The following SEZ6L2 variants were observed in gnomAD, a reference collection of about 807,000 sequenced individuals.
SEZ6L2 encodes seizure related 6 homolog like 2, also known as seizure 6-like protein 2.
In SEZ6L2, 44 loss-of-function variants were observed where a neutral mutation model predicts 97.0. That is an observed-to-expected ratio of 0.45 (90% CI 0.36 to 0.58). The LOEUF is 0.58. Among genes scored for constraint, SEZ6L2 ranks in the 20% least tolerant of loss-of-function variants. The probability of loss-of-function intolerance (pLI) is 0.00; values close to 1 mark genes in which losing one functional copy is unlikely to be tolerated. For missense variants in SEZ6L2, 1,086 were observed against 1,233.3 expected, an observed-to-expected ratio of 0.88 and a Z score of 1.79; for synonymous variants, 543 against 546.1, an observed-to-expected ratio of 0.99 and a Z score of 0.08.
At chr16:29,877,518 C>T in intron 10 of SEZ6L2, 51 bp from the exon 11 acceptor site, 1 of 1,494,578 alleles carries the variant, frequency 6.7e-7, no homozygotes, top group Non-Finnish European at 9.1e-7. Flanking sequence ...TGGCCCCTCC[C>T]ATCCAGCTCT....
In SEZ6L2 at chr16:29,875,509, A is replaced by T. The variant is rs192053170; in HGVS notation, c.2104+1247T>A. On this transcript the variant is annotated intron_variant, in intron 12 of 17. Coordinates refer to ENST00000617533, the MANE Select transcript of SEZ6L2 (RefSeq NM_001243332.2). ...AGCTTTGTCCAGCCCAAATCTGGCTACCTGAAGCTTCTCCCCTTGGTCCCA... is the reference window on the plus strand; with the variant it reads ...AGCTTTGTCCAGCCCAAATCTGGCTTCCTGAAGCTTCTCCCCTTGGTCCCA... Among the ~76,000 whole-genome samples the T allele has an allele frequency of 3.4e-3, 511 of 152,166 alleles. 3 individuals carry two copies. The highest frequency in any genetic ancestry group is 0.012 in the African/African-American group (483 of 41,494).
chr16:29,874,920 G>A (rs1362679086), intron 12 of SEZ6L2, among the ~76,000 whole-genome samples: 2 of 151,916 alleles, frequency 1.3e-5, no homozygotes, highest in Non-Finnish European at 2.9e-5. Context: ...TGTCACTCAA[G>A]CTGGAATGCA....
At chr16:29,890,827 C>A (rs1427176115) in intron 5 of SEZ6L2, among the ~76,000 whole-genome samples, 1 of 144,902 alleles carries the variant, frequency 6.9e-6, no homozygotes, top group Non-Finnish European at 1.5e-5. Flanking sequence ...CAGCTCATTG[C>A]AACTTTTACC....
Position 29,872,516 on chromosome 16 carries a change from G to T in SEZ6L2, c.2538C>A (p.Thr846=). Residue 846 remains threonine, a synonymous_variant, in exon 16 of 18, where the codon ACC becomes ACA. Transcript: ENST00000617533. ...LDNRKLEVTQ[T]TDPSRQLEGG... The stretch of plus-strand genomic sequence containing the variant: ...CTTCCAGCTGCCGTGATGGATCTGT[G>T]GTCTGGGTCACTACAGGAGGAGGAG... 1 of 1,614,116 alleles carries T rather than the reference G, an allele frequency of 6.2e-7. No homozygotes were observed. The highest frequency in any genetic ancestry group is 8.5e-7 in the Non-Finnish European group (1 of 1,180,002).
intron 12 of SEZ6L2, among the ~76,000 whole-genome samples, chr16:29,874,657 G>GC (rs2067867081): frequency 7.5e-6 from 1 of 133,900 alleles, no homozygotes; most frequent in African/African-American, 2.8e-5. Context: ...TGCAACCTCT[G>GC]CCTTCTGGAC....
At chr16:29,872,555 G>A in intron 15 of SEZ6L2, 29 bp from the exon 16 acceptor site, 1 of 1,610,378 alleles carries the variant, frequency 6.2e-7, no homozygotes. Flanking sequence ...CCGGTGAGCT[G>A]TGGCTGGGCC....
chr16:29,885,149 A>G (rs2068109137), intron 8 of SEZ6L2, among the ~76,000 whole-genome samples: 1 of 152,178 alleles, frequency 6.6e-6, no homozygotes, highest in South Asian at 2.1e-4. Flanking sequence ...CGGAGCTTGC[A>G]GTGAGCCAAG....
intron 8 of SEZ6L2, among the ~76,000 whole-genome samples, chr16:29,884,462 C>T (rs2068090633): frequency 6.6e-6 from 1 of 151,904 alleles, no homozygotes; most frequent in Non-Finnish European, 1.5e-5. Flanking sequence ...CGTGGTGATG[C>T]ATGCCTGTAA....
At chr16:29,888,320 A>G (rs550006295) in intron 6 of SEZ6L2, among the ~76,000 whole-genome samples, 144 of 151,896 alleles carry the variant, frequency 9.5e-4, no homozygotes, top group Non-Finnish European at 1.7e-3. Flanking sequence ...CCAGTGGGAC[A>G]CCCCGAGATG....
chr16:29,893,797 C>T (rs1431693952), intron 5 of SEZ6L2, among the ~76,000 whole-genome samples: 1 of 152,178 alleles, frequency 6.6e-6, no homozygotes, highest in Admixed American at 6.6e-5. Context: ...CCTTCACCCG[C>T]TTCTGTGCTT....
chr16:29,897,787 C>T (rs1322979426), intron 2 of SEZ6L2, 66 bp downstream of exon 2: 4 of 1,508,412 alleles, frequency 2.7e-6, no homozygotes, highest in African/African-American at 1.4e-5. Flanking sequence ...GCCTGGCTCC[C>T]CATCTCCCTG....
At chr16:29,872,609 T>C in intron 15 of SEZ6L2, 83 bp from the exon 16 acceptor site, 2 of 1,596,396 alleles carry the variant, frequency 1.3e-6, no homozygotes, top group Non-Finnish European at 1.7e-6. Flanking sequence ...CCTCAAACCC[T>C]GGGCTTCATC....
intron 9 of SEZ6L2, among the ~76,000 whole-genome samples, 189 bp downstream of exon 9, chr16:29,879,675 C>T (rs945850932): frequency 1.3e-5 from 2 of 152,202 alleles, no homozygotes; most frequent in African/African-American, 4.8e-5. Context: ...GTTTGTGACC[C>T]CTGCATTCAG....
Position 29,899,374 on chromosome 16 carries a change from C to T in SEZ6L2, c.-355G>A, listed in dbSNP as rs896557709. 1.0e-5 allele frequency: 3 copies of T among 298,266 alleles called. No homozygotes were observed. The highest frequency in any genetic ancestry group is 7.0e-5 in the African/African-American group (3 of 42,822). The allele number at this position is 298,266 out of a possible 1,614,324, so 18.5% of individuals were successfully genotyped here. On this transcript the variant is annotated 5_prime_UTR_variant, in exon 1 of 18. Transcript: ENST00000617533. ...GCCTGGGTCCACTGGGCTGTCTGGA[C>T]CCCAAGCTAGGGGACTGGGGAGGAG...
intron 6 of SEZ6L2, 60 bp from the exon 7 acceptor site, chr16:29,887,877 G>A: frequency 1.3e-6 from 2 of 1,576,354 alleles, no homozygotes; most frequent in South Asian, 2.3e-5. Flanking sequence ...TTCTCCTCGG[G>A]GCCTCGGCCC....
In SEZ6L2 at chr16:29,877,420, C is replaced by G. The variant is rs749196960; in HGVS notation, c.1760G>C (p.Gly587Ala). Residue 587 changes from glycine (G) to alanine (A), a missense_variant, in exon 11 of 18, where the codon GGT (glycine) becomes GCT (alanine). Gly to Ala is a moderately conservative substitution (Grantham distance 60, BLOSUM62 0). This residue lies in a region of SEZ6L2 where 776 missense variants were observed against 794.7 expected (regional missense o/e 0.98). Coordinates refer to ENST00000617533, the MANE Select transcript of SEZ6L2 (RefSeq NM_001243332.2). ...GDMLTLFDGDGPSARVLAQLR... is the reference protein window; with the variant it reads ...GDMLTLFDGDAPSARVLAQLR... The stretch of plus-strand genomic sequence containing the variant: ...CTGGGCCAAGACTCGGGCGCTGGGA[C>G]CGTCCCCGTCGAACAGCGTCAGCAT... The G allele has an allele frequency of 1.2e-5, 19 of 1,610,848 alleles. No individual in the cohort carries two copies. The highest frequency in any genetic ancestry group is 1.6e-5 in the Non-Finnish European group (19 of 1,178,626).
chr16:29,883,105 C>A (rs892622496), intron 8 of SEZ6L2, among the ~76,000 whole-genome samples: 3 of 152,228 alleles, frequency 2.0e-5, no homozygotes, highest in African/African-American at 7.2e-5. Context: ...CCATCCATCA[C>A]AGCCGAGTGC....
Position 29,899,444 on chromosome 16 carries a change from G to A in SEZ6L2, c.-425C>T. 1 of 176,584 alleles carries A rather than the reference G, an allele frequency of 5.7e-6. No individual in the cohort carries two copies. Among genetic ancestry groups the A allele is most frequent in the Non-Finnish European group, 1.2e-5 (1 of 84,578 alleles). The allele number at this position is 176,584 out of a possible 1,614,324, so 10.9% of individuals were successfully genotyped here. A position where few individuals can be genotyped will look rare whatever the true frequency, so the allele number is the denominator to read the frequency against. On this transcript the variant is annotated 5_prime_UTR_variant, in exon 1 of 18. Coordinates refer to ENST00000617533, the MANE Select transcript of SEZ6L2 (RefSeq NM_001243332.2). ...TTAGGGTGGGGTCGAGGATCGAGGG[G>A]GTCTCCACTGGGCTCTAGCGGGGCT...
In SEZ6L2 at chr16:29,899,218, C is replaced by A; in HGVS notation, c.-199G>T. 1.8e-6 allele frequency: 1 copy of A among 571,044 alleles called. No individual in the cohort carries two copies. Among genetic ancestry groups the A allele is most frequent in the Admixed American group, 3.2e-5 (1 of 31,606 alleles). The allele number at this position is 571,044 out of a possible 1,614,324, so 35.4% of individuals were successfully genotyped here. On this transcript the variant is annotated 5_prime_UTR_variant, in exon 1 of 18. Transcript: ENST00000617533. ...TGGGCTAGGGGTCGCCTGGAGCCCA[C>A]CCCCCTTTGCTCAGTCTCCTCTGTC...
Sources: allele counts gnomAD v4.1 joint callset (sites outside exome capture counted in the v4.1 genomes callset), GRCh38; gene constraint gnomAD v4.1.1; regional missense constraint gnomAD v4.1.1; transcripts MANE v1.5; gene names NCBI Gene and HGNC (gene_info 2026-07-23, HGNC 2026-07-21).